CPQ: variants seen among roughly 807,000 people sequenced by gnomAD.
CPQ encodes carboxypeptidase Q.
A neutral mutation model predicts 45.7 loss-of-function variants in CPQ; 37 were observed. That is an observed-to-expected ratio of 0.81 (90% confidence interval 0.62 to 1.07). CPQ has a LOEUF of 1.07. CPQ is among the 50% of genes least tolerant of loss of function. The pLI, the probability that CPQ is intolerant of heterozygous loss-of-function variation, is 0.00. For synonymous variants in CPQ, 186 were observed against 205.8 expected (o/e 0.90, Z 0.82); for missense variants, 537 against 572.9 (o/e 0.94, Z 0.64).
intron 1 of CPQ, among the ~76,000 whole-genome samples, chr8:96,693,222 G>T (rs1039091710): frequency 6.6e-6 from 1 of 151,758 alleles, no homozygotes; most frequent in Non-Finnish European, 1.5e-5. Flanking sequence ...GCAAATCCAA[G>T]AGTTATTAGC....
chr8:96,902,964 C>T (rs1302996381), intron 4 of CPQ, among the ~76,000 whole-genome samples: 2 of 152,204 alleles, frequency 1.3e-5, no homozygotes, highest in Non-Finnish European at 2.9e-5. Context: ...CAGCAAAGGA[C>T]CTGTTGCGTC....
At chr8:97,001,721 C>CTTTTTTTGTT (rs1809284467) in intron 5 of CPQ, among the ~76,000 whole-genome samples, 1 of 92,092 alleles carries the variant, frequency 1.1e-5, no homozygotes, top group African/African-American at 4.3e-5. Flanking sequence ...TTCTTTCTTT[C>CTTTTTTTGTT]TTTTTTTTTT....
chr8:97,116,684 C>T (rs535790496), intron 7 of CPQ, among the ~76,000 whole-genome samples: 4 of 152,198 alleles, frequency 2.6e-5, no homozygotes, highest in South Asian at 2.1e-4. Flanking sequence ...GTGGCAGGAA[C>T]ATTAACTCCA....
At chr8:97,009,150 C>G (rs539687860) in intron 5 of CPQ, among the ~76,000 whole-genome samples, 9 of 152,344 alleles carry the variant, frequency 5.9e-5, no homozygotes, top group African/African-American at 2.2e-4. Flanking sequence ...AGCAACGTCT[C>G]CACAGCCAGT....
intron 4 of CPQ, among the ~76,000 whole-genome samples, chr8:96,938,311 C>A (rs542211012): frequency 6.6e-6 from 1 of 152,192 alleles, no homozygotes; most frequent in East Asian, 1.9e-4. Context: ...GTGGAAGAAT[C>A]GCTTGAGGCT....
chr8:96,688,842 G>A (rs1799824200), intron 1 of CPQ, among the ~76,000 whole-genome samples: 1 of 151,986 alleles, frequency 6.6e-6, no homozygotes, highest in Admixed American at 6.6e-5. Context: ...TAAGACAATT[G>A]CTACCTTAAT....
At chr8:96,811,346 T>A (rs1811159335) in intron 2 of CPQ, among the ~76,000 whole-genome samples, 1 of 152,158 alleles carries the variant, frequency 6.6e-6, no homozygotes, top group Non-Finnish European at 1.5e-5. Flanking sequence ...CTTGACCCAC[T>A]CTTACTGCCT....
At chr8:96,826,968 T>C (rs1811387893) in intron 2 of CPQ, among the ~76,000 whole-genome samples, 1 of 152,090 alleles carries the variant, frequency 6.6e-6, no homozygotes, top group Non-Finnish European at 1.5e-5. Flanking sequence ...CTTGTTCCTT[T>C]TTATGGCTGC....
chr8:97,086,460 G>A (rs1240270215), intron 7 of CPQ, among the ~76,000 whole-genome samples: 1 of 152,194 alleles, frequency 6.6e-6, no homozygotes, highest in South Asian at 2.1e-4. Flanking sequence ...GGTACAAGGT[G>A]CAGGGCAGAT....
chr8:96,808,620 G>A (rs552614842), intron 2 of CPQ, among the ~76,000 whole-genome samples: 25 of 152,138 alleles, frequency 1.6e-4, no homozygotes, highest in Non-Finnish European at 3.2e-4. Context: ...CTTATCAATC[G>A]AATTGTAGTT....
intron 5 of CPQ, among the ~76,000 whole-genome samples, chr8:97,023,016 T>TATACAGTATATATATACTATATAC (rs1554584143): frequency 0.015 from 2,057 of 133,630 alleles, 127 homozygotes; most frequent in East Asian, 0.11. Context: ...ATACTATATA[T>TATACAGTATATATATACTATATAC]AGTATATATA....
chr8:97,121,561 A>G (rs1811702717), intron 7 of CPQ, among the ~76,000 whole-genome samples: 1 of 152,166 alleles, frequency 6.6e-6, no homozygotes, highest in Non-Finnish European at 1.5e-5. Context: ...TTTTTAAAGG[A>G]AAAAAAGACA....
At chr8:97,047,486 A>G (rs1436795123) in intron 6 of CPQ, among the ~76,000 whole-genome samples, 1 of 152,234 alleles carries the variant, frequency 6.6e-6, no homozygotes, top group African/African-American at 2.4e-5. Flanking sequence ...CATGGTATCA[A>G]TTCTATACAA....
chr8:96,801,927 G>A (rs1298764446), intron 2 of CPQ, among the ~76,000 whole-genome samples: 2 of 152,060 alleles, frequency 1.3e-5, no homozygotes, highest in Non-Finnish European at 2.9e-5. Flanking sequence ...TAATTAATAG[G>A]TTATAATAAG....
At chr8:96,817,331 A>G (rs557441666) in intron 2 of CPQ, among the ~76,000 whole-genome samples, 7 of 152,306 alleles carry the variant, frequency 4.6e-5, no homozygotes, top group African/African-American at 9.6e-5. Flanking sequence ...CTCCAAAACA[A>G]TTATGATAGT....
At chr8:96,692,094 T>C (rs373672340) in intron 1 of CPQ, among the ~76,000 whole-genome samples, 1 of 151,980 alleles carries the variant, frequency 6.6e-6, no homozygotes, top group Non-Finnish European at 1.5e-5. Flanking sequence ...GAATCTTGAG[T>C]TGAATGTTAA....
intron 5 of CPQ, among the ~76,000 whole-genome samples, chr8:97,026,081 G>A (rs1490365187): frequency 6.6e-6 from 1 of 152,176 alleles, no homozygotes; most frequent in Non-Finnish European, 1.5e-5. Context: ...TATGCATGCT[G>A]TATAAACAAA....
At chr8:96,867,619 G>A (rs937737015) in intron 3 of CPQ, among the ~76,000 whole-genome samples, 2 of 151,814 alleles carry the variant, frequency 1.3e-5, no homozygotes, top group African/African-American at 4.8e-5. Flanking sequence ...CCACCACCCA[G>A]ACAAAACCAC....
In CPQ at chr8:97,033,625, CT is replaced by C. The variant is rs774022131; in HGVS notation, c.1053+4144del. Among the ~76,000 whole-genome samples, 798 of 142,056 alleles carry C rather than the reference CT, an allele frequency of 5.6e-3. 3 individuals carry two copies. The highest frequency in any genetic ancestry group is 0.016 in the Admixed American group (228 of 14,122). The allele number at this position is 142,056 out of a possible 152,430, so 93.2% of individuals were successfully genotyped here. On this transcript the variant is annotated intron_variant, in intron 6 of 7. Coordinates refer to ENST00000220763, the MANE Select transcript of CPQ (RefSeq NM_016134.4). The stretch of plus-strand genomic sequence containing the variant: ...AATGATAAAAGCTTGCATGCACAAT[CT>C]TTTTTTTTTTTTGCATTCTTATCTG...
Sources: gnomAD v4.1 joint callset for allele counts (sites outside exome capture counted in the v4.1 genomes callset) on GRCh38, gnomAD v4.1.1 for gene constraint, MANE v1.5 for transcripts, NCBI Gene and HGNC (gene_info 2026-07-23, HGNC 2026-07-21) for gene names.